LRP1B: variants seen among roughly 807,000 people sequenced by gnomAD.
LRP1B encodes low-density lipoprotein receptor-related protein 1B.
Under a neutral mutation model 556.6 loss-of-function variants are expected in LRP1B, and 217 were observed. That is an observed-to-expected ratio of 0.39 (90% CI 0.35 to 0.44). The LOEUF (loss-of-function observed/expected upper bound fraction) is 0.44, where lower values mean the gene tolerates loss of function less well. Ranked by LOEUF, LRP1B falls within the 20% of genes least tolerant of loss-of-function variation. The pLI, the probability that LRP1B is intolerant of heterozygous loss-of-function variation, is 1.00. For synonymous variants in LRP1B, 2,047 were observed against 1,865.8 expected (o/e 1.10, Z -2.50); for missense variants, 5,053 against 5,620.8 (o/e 0.90, Z 3.23).
At chr2:140,412,069 T>G (rs373217579) in intron 66 of LRP1B, among the ~76,000 whole-genome samples, 8 of 152,068 alleles carry the variant, frequency 5.3e-5, no homozygotes, top group South Asian at 2.1e-4. Context: ...TATGTCACTT[T>G]CACCAAGTAT....
chr2:140,780,489 A>G (rs1054035128), intron 32 of LRP1B, among the ~76,000 whole-genome samples: 10 of 152,202 alleles, frequency 6.6e-5, no homozygotes, highest in African/African-American at 2.2e-4. Flanking sequence ...GGCTAAGACT[A>G]TAACACTGGA....
chr2:141,506,862 A>G (rs1683951883), intron 2 of LRP1B, among the ~76,000 whole-genome samples: 4 of 152,180 alleles, frequency 2.6e-5, no homozygotes, highest in Admixed American at 2.6e-4. Flanking sequence ...TGCTTTAAAA[A>G]TTGAAACATA....
chr2:141,164,414 T>C (rs1464868024), intron 7 of LRP1B, among the ~76,000 whole-genome samples: 1 of 152,090 alleles, frequency 6.6e-6, no homozygotes, highest in African/African-American at 2.4e-5. Flanking sequence ...AGCAAACATA[T>C]GCATAACATT....
chr2:141,308,853 C>T (rs1686699648), intron 3 of LRP1B, among the ~76,000 whole-genome samples: 1 of 151,926 alleles, frequency 6.6e-6, no homozygotes, highest in Non-Finnish European at 1.5e-5. Flanking sequence ...GCCTTTTTGT[C>T]CCATAAAAAA....
intron 10 of LRP1B, among the ~76,000 whole-genome samples, chr2:141,050,005 C>A (rs1698988530): frequency 6.6e-6 from 1 of 151,878 alleles, no homozygotes; most frequent in South Asian, 2.1e-4. Flanking sequence ...ATACAAGATT[C>A]TCCAATTATC....
At position 140,762,652 on chromosome 2, in the gene LRP1B, T is replaced by C. The variant is rs538458718; in HGVS notation, c.5758+6561A>G. Among the ~76,000 whole-genome samples, 5 of 152,206 alleles carry C rather than the reference T, an allele frequency of 3.3e-5. No homozygotes were observed. In the South Asian group the frequency reaches 1.0e-3, roughly 32 times the overall value. On this transcript the variant is annotated intron_variant, in intron 35 of 90. Coordinates refer to ENST00000389484, the MANE Select transcript of LRP1B (RefSeq NM_018557.3). ...CCTTAAAGTTTGAAAATGATCCACT[T>C]ACTACTTGTTGCCCTTAGATAAAAA...
rs1371996294 is a variant in LRP1B at position 142,065,768 on chromosome 2, T to C, written c.82+64880A>G. Among the ~76,000 whole-genome samples, 8 of 151,360 alleles carry C rather than the reference T, an allele frequency of 5.3e-5. No individual in the cohort carries two copies. In the Admixed American group the frequency reaches 5.3e-4, roughly 10 times the overall value. On this transcript the variant is annotated intron_variant, in intron 1 of 90. Transcript: ENST00000389484. ...ACACCTTCACCCCATTCCAAAATTT[T>C]CCAAATTTTTAACCTATTACAGCAT...
chr2:141,236,867 C>A (rs780339748), intron 5 of LRP1B, among the ~76,000 whole-genome samples: 5 of 152,122 alleles, frequency 3.3e-5, no homozygotes, highest in Admixed American at 6.6e-5. Flanking sequence ...CCAGATAATT[C>A]TCAGAGATTT....
intron 49 of LRP1B, among the ~76,000 whole-genome samples, chr2:140,521,252 A>T (rs1387281625): frequency 6.6e-6 from 1 of 152,068 alleles, no homozygotes; most frequent in Non-Finnish European, 1.5e-5. Flanking sequence ...GCACACGGTC[A>T]TTGGGCTATC....
chr2:141,949,688 G>A (rs549529823), intron 1 of LRP1B, among the ~76,000 whole-genome samples: 4 of 152,050 alleles, frequency 2.6e-5, no homozygotes, highest in South Asian at 2.1e-4. Flanking sequence ...GTGCCTGGCC[G>A]AAACAAAATT....
intron 7 of LRP1B, among the ~76,000 whole-genome samples, chr2:141,071,121 A>G: frequency 6.6e-6 from 1 of 151,858 alleles, no homozygotes; most frequent in East Asian, 1.9e-4. Flanking sequence ...ATACTGGCAC[A>G]CCAAATCCAG....
intron 18 of LRP1B, among the ~76,000 whole-genome samples, chr2:140,961,773 TTTTAAAAC>T (rs1259771021): frequency 6.6e-6 from 1 of 152,122 alleles, no homozygotes. Flanking sequence ...AATTTAAAGC[TTTTAAAAC>T]TTTAAAACTT....
chr2:141,119,716 T>TTG (rs138710668), intron 7 of LRP1B, among the ~76,000 whole-genome samples: 9,532 of 149,468 alleles, frequency 0.064, 594 homozygotes, highest in African/African-American at 0.17. Flanking sequence ...ACCCAAGAGG[T>TTG]TGTGTGTGTG....
At chr2:141,491,401 T>C (rs1683330065) in intron 2 of LRP1B, among the ~76,000 whole-genome samples, 1 of 152,200 alleles carries the variant, frequency 6.6e-6, no homozygotes, top group Non-Finnish European at 1.5e-5. Flanking sequence ...TTCACTTGTA[T>C]CTTTTTTCAG....
intron 7 of LRP1B, among the ~76,000 whole-genome samples, chr2:141,093,760 G>A (rs980528649): frequency 6.6e-6 from 1 of 151,604 alleles, no homozygotes. Flanking sequence ...TGTCGTCCAG[G>A]CTGGAGTGCA....
intron 86 of LRP1B, among the ~76,000 whole-genome samples, chr2:140,256,092 A>G (rs576647664): frequency 1.3e-5 from 2 of 152,316 alleles, no homozygotes; most frequent in South Asian, 4.1e-4. Context: ...GTAAAAAACA[A>G]ATATACAATT....
At chr2:141,951,971 C>A in intron 1 of LRP1B, among the ~76,000 whole-genome samples, 1 of 149,866 alleles carries the variant, frequency 6.7e-6, no homozygotes, top group Admixed American at 6.7e-5. Flanking sequence ...TTAGGTATTT[C>A]TCTTAATGCT....
intron 6 of LRP1B, among the ~76,000 whole-genome samples, chr2:141,194,539 A>G (rs990388057): frequency 1.3e-5 from 2 of 152,040 alleles, no homozygotes; most frequent in Admixed American, 1.3e-4. Flanking sequence ...TTCAGTTGAA[A>G]TCTCTCAATT....
At chr2:141,008,130 A>G (rs1697631912) in intron 14 of LRP1B, among the ~76,000 whole-genome samples, 1 of 151,320 alleles carries the variant, frequency 6.6e-6, no homozygotes, top group Non-Finnish European at 1.5e-5. Flanking sequence ...TCTTTAAAAC[A>G]TGTTTAAGTA....
Sources: allele counts gnomAD v4.1 joint callset (sites outside exome capture counted in the v4.1 genomes callset), GRCh38; gene constraint gnomAD v4.1.1; transcripts MANE v1.5; gene names NCBI Gene and HGNC (gene_info 2026-07-23, HGNC 2026-07-21).